ATXN3: variants seen among roughly 807,000 people sequenced by gnomAD.
The protein encoded by ATXN3 is ataxin-3.
Under a neutral mutation model 58.2 loss-of-function variants are expected in ATXN3, and 28 were observed. That is an observed-to-expected ratio of 0.48 (90% CI 0.36 to 0.66). The LOEUF (loss-of-function observed/expected upper bound fraction) is 0.66. Among genes scored for constraint, ATXN3 ranks in the 30% least tolerant of loss-of-function variants. ATXN3 has a pLI of 0.00. For synonymous variants in ATXN3, 113 were observed against 138.5 expected (o/e 0.82, Z 1.29); for missense variants, 321 against 422.1 (o/e 0.76, Z 2.10).
intron 8 of ATXN3, among the ~76,000 whole-genome samples, chr14:92,081,729 T>A (rs1248946048): frequency 1.3e-5 from 2 of 151,966 alleles, no homozygotes; most frequent in Admixed American, 6.6e-5. Flanking sequence ...ACATATGAGT[T>A]AGAAAAAAAT....
intron 6 of ATXN3, among the ~76,000 whole-genome samples, chr14:92,086,178 C>T (rs1402068780): frequency 1.4e-5 from 2 of 147,404 alleles, no homozygotes; most frequent in Non-Finnish European, 3.0e-5. Context: ...GAGGCTGAGG[C>T]AGGTGGATCA....
intron 9 of ATXN3, among the ~76,000 whole-genome samples, chr14:92,080,312 G>T (rs928496698): frequency 6.6e-6 from 1 of 152,080 alleles, no homozygotes; most frequent in Non-Finnish European, 1.5e-5. Flanking sequence ...GCTGTTTTTC[G>T]TACTGATTGG....
At chr14:92,070,572 C>T (rs7153603) in intron 10 of ATXN3, among the ~76,000 whole-genome samples, 43,790 of 151,898 alleles carry the variant, frequency 0.29, 6,722 homozygotes, top group East Asian at 0.44. Flanking sequence ...GAGCAAGACT[C>T]CATCTCAAAA....
intron 9 of ATXN3, among the ~76,000 whole-genome samples, chr14:92,074,912 G>A (rs1260057131): frequency 1.3e-5 from 2 of 152,178 alleles, no homozygotes; most frequent in Admixed American, 1.3e-4. Flanking sequence ...ACCTAGAGAA[G>A]ACATTAATAA....
Position 92,088,729 on chromosome 14 carries a change from C to A in ATXN3, c.475+1G>T. ...TTACAAAATGTTCAGCCGTTACTTACCTTCCTGTTGTAATTGAGCCAAGAA... is the reference window on the plus strand; with the variant it reads ...TTACAAAATGTTCAGCCGTTACTTAACTTCCTGTTGTAATTGAGCCAAGAA... On this transcript the variant is annotated splice_donor_variant, in intron 6 of 10. Transcript: ENST00000644486. LOFTEE classifies it high-confidence loss of function. The A allele has an allele frequency of 6.3e-7, 1 of 1,584,260 alleles. No homozygotes were observed. Among genetic ancestry groups the A allele is most frequent in the Non-Finnish European group, 8.7e-7 (1 of 1,153,668 alleles).
At position 92,096,493 on chromosome 14, in the gene ATXN3, G is replaced by A. The variant is rs567191556; in HGVS notation, c.189+181C>T. On this transcript the variant is annotated intron_variant, in intron 2 of 10. Transcript: ENST00000644486. ...CAAAAAATTAGCCGGGCATAGTGCC[G>A]TGTGCCTGTAATCCCAGCTACTTGG... 4.2e-5 allele frequency: 32 copies of A among 754,016 alleles called. No homozygotes were observed. The Middle Eastern group carries it at 1.2e-3, about 28-fold the overall frequency. The allele number at this position is 754,016 out of a possible 1,614,324, so 46.7% of individuals were successfully genotyped here. A position where few individuals can be genotyped will look rare whatever the true frequency, so the allele number is the denominator to read the frequency against.
chr14:92,101,618 G>C (rs1363373959), intron 1 of ATXN3, among the ~76,000 whole-genome samples: 3 of 152,196 alleles, frequency 2.0e-5, no homozygotes, highest in Non-Finnish European at 4.4e-5. Flanking sequence ...AGCACTTTGG[G>C]AGGCCAAGGC....
At chr14:92,052,322 C>G (rs2057451636), upstream of ATXN3, among the ~76,000 whole-genome samples, 1 of 151,772 alleles carries the variant, frequency 6.6e-6, no homozygotes, top group Non-Finnish European at 1.5e-5. Context: ...TGGAGAAACC[C>G]CGTCTCTACT....
At chr14:92,092,739 T>C (rs2064128148) in intron 5 of ATXN3, among the ~76,000 whole-genome samples, 1 of 152,072 alleles carries the variant, frequency 6.6e-6, no homozygotes, top group Non-Finnish European at 1.5e-5. Flanking sequence ...TGATATTATC[T>C]TTTAAAATGA....
chr14:92,084,941 G>C (rs1262154321), intron 6 of ATXN3, among the ~76,000 whole-genome samples: 1 of 152,096 alleles, frequency 6.6e-6, no homozygotes, highest in Non-Finnish European at 1.5e-5. Flanking sequence ...CACATAATGG[G>C]ACAAAGATTA....
At chr14:92,054,079 C>T (rs180928740), downstream of ATXN3, among the ~76,000 whole-genome samples, 11 of 152,226 alleles carry the variant, frequency 7.2e-5, no homozygotes, top group African/African-American at 1.7e-4. Context: ...GCATAATAGG[C>T]GCACACCAAC....
chr14:92,088,748 C>A lies in ATXN3; in HGVS notation c.457G>T (p.Ala153Ser), dbSNP rs761316840. The change falls in exon 6 of 11, where the codon GCT becomes TCT. Residue 153 changes from alanine to serine, a missense_variant. By Grantham distance (99) the Ala-to-Ser change is moderately conservative. Around this residue, in one of 2 missense-constraint regions of ATXN3, gnomAD observed 121 missense variants for 198.9 expected, o/e 0.61. Transcript: ENST00000644486. Reference protein sequence around the residue: ...ISDTYLALFLAQLQQEGYSIF... With the variant: ...ISDTYLALFLSQLQQEGYSIF... ...TACTTACCTTCCTGTTGTAATTGAG[C>A]CAAGAAAAGTGCAAGATATGTATCT... The A allele has an allele frequency of 2.5e-6, 4 of 1,608,888 alleles. No individual in the cohort carries two copies. Among genetic ancestry groups the A allele is most frequent in the Non-Finnish European group, 2.6e-6 (3 of 1,175,898 alleles).
chr14:92,090,279 T>C (rs2063493493), intron 5 of ATXN3: 1 of 152,086 alleles, frequency 6.6e-6, no homozygotes, highest in Non-Finnish European at 1.5e-5. Context: ...ATTTTCTAAT[T>C]TTTTTGTGTG....
rs1404297217 is a variant in ATXN3, at chr14:92,060,471, C to T, written c.*3849G>A. The T allele has an allele frequency of 2.0e-5, 3 of 151,450 alleles. No homozygotes were observed. The highest frequency in any genetic ancestry group is 4.4e-5 in the Non-Finnish European group (3 of 67,940). The allele number at this position is 151,450 out of a possible 1,614,324, so 9.4% of individuals were successfully genotyped here. The stretch of plus-strand genomic sequence containing the variant: ...ACGAGGTTTCACCATGTTGCCCAGA[C>T]TGGTCTTGAACTCCTGGCCTGAAGT... On this transcript the variant is annotated 3_prime_UTR_variant, in exon 11 of 11. Coordinates refer to ENST00000644486, the MANE Select transcript of ATXN3 (RefSeq NM_004993.6).
intron 4 of ATXN3, chr14:92,093,539 T>C: frequency 3.2e-6 from 2 of 629,452 alleles, no homozygotes; most frequent in Non-Finnish European, 5.6e-6. Flanking sequence ...GGGTCAGCTC[T>C]GTGCTGCCAC....
chr14:92,049,753 C>T (rs116065583), exon 1 of ATXN3: 1,765 of 153,406 alleles, frequency 0.012, 32 homozygotes, highest in South Asian at 0.036. Flanking sequence ...AAATGTCACA[C>T]GCGTCCATGT....
intron 8 of ATXN3, among the ~76,000 whole-genome samples, chr14:92,081,290 G>A (rs1309918745): frequency 4.0e-5 from 6 of 151,672 alleles, no homozygotes; most frequent in Non-Finnish European, 7.4e-5. Context: ...TGGCCAAAAG[G>A]GCAAAACCCT....
chr14:92,093,577 G>A, intron 4 of ATXN3, 169 bp downstream of exon 4: 2 of 663,802 alleles, frequency 3.0e-6, no homozygotes, highest in Non-Finnish European at 5.2e-6. Flanking sequence ...GAAGGCTACA[G>A]GGCAGATGCT....
chr14:92,089,989 AG>A (rs2063425706), intron 5 of ATXN3, among the ~76,000 whole-genome samples: 3 of 152,190 alleles, frequency 2.0e-5, no homozygotes, highest in Admixed American at 2.0e-4. Flanking sequence ...GCACTTTGGG[AG>A]GTTAGCTAAG....
Sources: allele counts gnomAD v4.1 joint callset (sites outside exome capture counted in the v4.1 genomes callset), GRCh38; gene constraint gnomAD v4.1.1; regional missense constraint gnomAD v4.1.1; transcripts MANE v1.5; gene names NCBI Gene and HGNC (gene_info 2026-07-23, HGNC 2026-07-21).